The following ERN1 variants were observed in gnomAD, a reference collection of about 807,000 sequenced individuals.
ERN1 encodes the protein endoplasmic reticulum to nucleus signaling 1.
In ERN1, 39 loss-of-function variants were observed where a neutral mutation model predicts 113.1. The ratio of observed to expected loss-of-function variants is 0.34; its 90% CI spans 0.27 to 0.45. ERN1 has a LOEUF of 0.45. ERN1 is among the 20% of genes least tolerant of loss of function. The pLI is 1.00. For missense variants in ERN1, 976 were observed against 1,274.8 expected (o/e 0.77, Z 3.57); for synonymous variants, 507 against 515.9 (o/e 0.98, Z 0.23).
In ERN1 at chr17:64,068,305, A is replaced by G. The variant is rs754814122; in HGVS notation, c.479-14T>C. 6.3e-7 allele frequency: 1 copy of G among 1,586,238 alleles called. No individual in the cohort carries two copies. Among genetic ancestry groups the G allele is most frequent in the Non-Finnish European group, 8.6e-7 (1 of 1,159,592 alleles). ...TGATGGTGTATTCTAAAGAACACAG[A>G]CCAGCCAGCCCATTACCACGGAGGG... On this transcript the variant is annotated splice_polypyrimidine_tract_variant and intron_variant, in intron 6 of 21. Coordinates refer to ENST00000433197, the MANE Select transcript of ERN1 (RefSeq NM_001433.5).
At position 64,054,725 on chromosome 17, in the gene ERN1, C is replaced by T. The variant is rs770379427; in HGVS notation, c.1763+13G>A. ...CCAGGCGGTGAGGGCAGGGGGCTGG[C>T]TAATCCACTCACCGGTACACAATTG... On this transcript the variant is annotated intron_variant, in intron 14 of 21. Transcript: ENST00000433197. The surrounding 1 kb of genome is among the most constrained non-coding windows in gnomAD (Gnocchi z 4.9). 4 of 1,594,754 alleles carry T rather than the reference C, an allele frequency of 2.5e-6. No individual in the cohort carries two copies. Among genetic ancestry groups the T allele is most frequent in the East Asian group, 4.5e-5 (2 of 44,474 alleles).
Position 64,049,671 on chromosome 17 carries a change from A to G in ERN1, c.2254-469T>C, listed in dbSNP as rs1438749909. The stretch of plus-strand genomic sequence containing the variant: ...CACACAGTAGGTATCAAAATTGCTA[A>G]TAAGTGAATAAAACAGCTTATGATT... On this transcript the variant is annotated intron_variant, in intron 17 of 21. Coordinates refer to ENST00000433197, the MANE Select transcript of ERN1 (RefSeq NM_001433.5). This position sits in a 1 kb window ranked among gnomAD's most constrained non-coding sequence, Gnocchi z 4.7. Among the ~76,000 whole-genome samples the G allele has an allele frequency of 2.6e-5, 4 of 152,156 alleles. No homozygotes were observed. Among genetic ancestry groups the G allele is most frequent in the Non-Finnish European group, 5.9e-5 (4 of 68,026 alleles).
At chr17:64,101,114 G>A (rs1352033829) in intron 1 of ERN1, among the ~76,000 whole-genome samples, 2 of 151,652 alleles carry the variant, frequency 1.3e-5, no homozygotes, top group Non-Finnish European at 2.9e-5. Context: ...TAGAAAAAGG[G>A]AAAAAAAGGG....
chr17:64,067,966 C>T lies in ERN1; in HGVS notation c.580+224G>A, dbSNP rs1913287487. On this transcript the variant is annotated intron_variant, in intron 7 of 21. Coordinates refer to ENST00000433197, the MANE Select transcript of ERN1 (RefSeq NM_001433.5). ...GAGGGATGTCCTCCTTCCTCTCTGG[C>T]TAAGCTTGTCACCATTTTACTTCGG... The T allele has an allele frequency of 8.1e-6, 4 of 495,916 alleles. No homozygotes were observed. In the South Asian group the frequency reaches 1.1e-4, roughly 14 times the overall value. The allele number at this position is 495,916 out of a possible 1,614,324, so 30.7% of individuals were successfully genotyped here.
In ERN1 at chr17:64,047,847, G is replaced by T. The variant is rs139173692; in HGVS notation, c.2529+11C>A. 4.1e-4 allele frequency: 654 copies of T among 1,597,318 alleles called. 3 individuals carry two copies. In the African/African-American group the frequency reaches 7.8e-3, roughly 19 times the overall value. On this transcript the variant is annotated intron_variant, in intron 19 of 21. Coordinates refer to ENST00000433197, the MANE Select transcript of ERN1 (RefSeq NM_001433.5). ...ATGAAGACTCTGGATAAAGAGAACA[G>T]ACGTCTCTACCTGGAAGAACTGGAG...
chr17:64,096,488 T>C (rs1914233316), intron 2 of ERN1, among the ~76,000 whole-genome samples: 3 of 152,282 alleles, frequency 2.0e-5, no homozygotes, highest in Admixed American at 2.0e-4. Flanking sequence ...TACATTACAA[T>C]GTAGTAATAA....
At chr17:64,080,127 T>C (rs1913721863) in intron 3 of ERN1, among the ~76,000 whole-genome samples, 1 of 152,236 alleles carries the variant, frequency 6.6e-6, no homozygotes, top group Admixed American at 6.5e-5. Context: ...TAGGATGGCA[T>C]GGTACATAAA....
intron 2 of ERN1, among the ~76,000 whole-genome samples, chr17:64,086,777 G>C (rs1040348084): frequency 2.7e-5 from 4 of 149,804 alleles, no homozygotes; most frequent in African/African-American, 9.8e-5. Context: ...CTACCGAGTA[G>C]CTGGGACTAC....
intron 11 of ERN1, 111 bp from the exon 12 acceptor site, chr17:64,058,104 G>A (rs1379233723): frequency 1.2e-6 from 1 of 843,138 alleles, no homozygotes; most frequent in Non-Finnish European, 1.8e-6. Context: ...TGTACTGCAG[G>A]GGGTTTTATT....
In ERN1 at chr17:64,110,634, G is replaced by C. The variant is rs149050971; in HGVS notation, c.55-12393C>G. Among the ~76,000 whole-genome samples, 286 of 152,300 alleles carry C rather than the reference G, an allele frequency of 1.9e-3. 1 individual carries two copies. Among genetic ancestry groups the C allele is most frequent in the Middle Eastern group, 0.01 (3 of 294 alleles). On this transcript the variant is annotated intron_variant, in intron 1 of 21. Transcript: ENST00000433197. ...CCATTTTAATGACCAAGCATAAACT[G>C]ATGGGCCCCACACAGTAAGCTATGG...
intron 2 of ERN1, among the ~76,000 whole-genome samples, chr17:64,089,318 C>CAAA (rs34094164): frequency 4.5e-4 from 11 of 24,226 alleles, no homozygotes; most frequent in South Asian, 2.6e-3. Flanking sequence ...GAATCCATCT[C>CAAA]AAAAAAAAAA....
In ERN1 at chr17:64,039,256, C is replaced by A. The variant is rs1223674672; in HGVS notation, c.*4732G>T. Reference sequence around the variant, plus strand: ...ATAGGCTGTTTAACTTAGATAATGACCCTCATGTCTTCAAGCTTTAAAAAT... The same window carrying A: ...ATAGGCTGTTTAACTTAGATAATGAACCTCATGTCTTCAAGCTTTAAAAAT... On this transcript the variant is annotated 3_prime_UTR_variant, in exon 22 of 22. Coordinates refer to ENST00000433197, the MANE Select transcript of ERN1 (RefSeq NM_001433.5). The A allele has an allele frequency of 6.6e-6, 1 of 152,134 alleles. No homozygotes were observed. Among genetic ancestry groups the A allele is most frequent in the Non-Finnish European group, 1.5e-5 (1 of 68,026 alleles). The allele number at this position is 152,134 out of a possible 1,614,324, so 9.4% of individuals were successfully genotyped here. A position where few individuals can be genotyped will look rare whatever the true frequency, so the allele number is the denominator to read the frequency against.
rs1157417813 is a variant in ERN1, at chr17:64,083,634, T to TA, written c.176-2827dup. 2.0e-5 allele frequency among the ~76,000 whole-genome samples: 3 copies of TA among 152,076 alleles called. No individual in the cohort carries two copies. The East Asian group carries it at 5.8e-4, about 29-fold the overall frequency. ...TTATCTGGTAAAGGTAGAGGGAAAA[T>TA]ATAGCTGAAATCAAGGTTTGGTCTC... On this transcript the variant is annotated intron_variant, in intron 2 of 21. Coordinates refer to ENST00000433197, the MANE Select transcript of ERN1 (RefSeq NM_001433.5).
chr17:64,091,384 G>A (rs1914084958), intron 2 of ERN1, among the ~76,000 whole-genome samples: 1 of 152,202 alleles, frequency 6.6e-6, no homozygotes, highest in Non-Finnish European at 1.5e-5. Flanking sequence ...AGACGTCCAG[G>A]CAGAAGAGTT....
intron 1 of ERN1, among the ~76,000 whole-genome samples, chr17:64,107,089 T>C (rs986130344): frequency 1.3e-5 from 2 of 152,254 alleles, no homozygotes; most frequent in East Asian, 1.9e-4. Context: ...AGTAGGAGAC[T>C]GTCCGATCAT....
At chr17:64,059,784 C>A (rs1912993759) in intron 11 of ERN1, among the ~76,000 whole-genome samples, 1 of 151,498 alleles carries the variant, frequency 6.6e-6, no homozygotes, top group Admixed American at 6.6e-5. Flanking sequence ...GAACTCTGTG[C>A]AAATAGTCCC....
chr17:64,102,931 C>T (rs1026472593), intron 1 of ERN1: 35 of 985,170 alleles, frequency 3.6e-5, no homozygotes, highest in Non-Finnish European at 3.9e-5. Context: ...ATACTCCTGG[C>T]TTTGATGGTG....
At chr17:64,067,828 G>C (rs983308710) in intron 7 of ERN1, 2 of 173,870 alleles carry the variant, frequency 1.2e-5, no homozygotes, top group Non-Finnish European at 2.4e-5. Context: ...CTAGGGATGA[G>C]TCACATTTGC....
chr17:64,082,231 A>G (rs922728345), intron 2 of ERN1, among the ~76,000 whole-genome samples: 1 of 152,138 alleles, frequency 6.6e-6, no homozygotes, highest in Non-Finnish European at 1.5e-5. Context: ...TGGGCAGCAA[A>G]CAAACAACTC....
Sources: allele counts gnomAD v4.1 joint callset (sites outside exome capture counted in the v4.1 genomes callset), GRCh38; gene constraint gnomAD v4.1.1; non-coding constraint Gnocchi (gnomAD v3.1); transcripts MANE v1.5; gene names NCBI Gene and HGNC (gene_info 2026-07-23, HGNC 2026-07-21).